Variants in CEP131 observed in about 807,000 individuals in gnomAD.
CEP131 encodes centrosomal protein of 131 kDa.
A neutral mutation model predicts 136.8 loss-of-function variants in CEP131; 99 were observed. That is an observed-to-expected ratio of 0.72 (90% confidence interval 0.62 to 0.86). CEP131 has a LOEUF of 0.86. Ranked by LOEUF, CEP131 falls within the 40% of genes least tolerant of loss-of-function variation. The pLI, the probability that CEP131 is intolerant of heterozygous loss-of-function variation, is 0.00. For missense variants in CEP131, 1,459 were observed against 1,463.0 expected (o/e 1.00, Z 0.04); for synonymous variants, 646 against 612.7 (o/e 1.05, Z -0.80).
In CEP131 at chr17:81,215,120, GTC is replaced by G. The variant is rs1438606222; in HGVS notation, c.177+4758_177+4759del. Among the ~76,000 whole-genome samples the G allele has an allele frequency of 6.6e-6, 1 of 151,286 alleles. No homozygotes were observed. The highest frequency in any genetic ancestry group is 6.6e-5 in the Admixed American group (1 of 15,160). Reference sequence around the variant, plus strand: ...TTTAATTTTAATTTTAAAAGATAGAGTCTCACTCTGTTGCCCAGGCTGGAGAG... The same window carrying G: ...TTTAATTTTAATTTTAAAAGATAGAGTCACTCTGTTGCCCAGGCTGGAGAG... On this transcript the variant is annotated intron_variant, in intron 2 of 25. Coordinates refer to ENST00000450824, the MANE Select transcript of CEP131 (RefSeq NM_014984.4). The surrounding 1 kb of genome is among the most constrained non-coding windows in gnomAD (Gnocchi z 4.1).
chr17:81,221,262 G>C (rs1221540812), intron 1 of CEP131, among the ~76,000 whole-genome samples: 1 of 151,926 alleles, frequency 6.6e-6, no homozygotes, highest in Admixed American at 6.6e-5. Flanking sequence ...GGGTTCTGAC[G>C]ATCGATCGAG....
Position 81,194,117 on chromosome 17 carries a change from G to C in CEP131, c.2130C>G (p.Pro710=). The C allele has an allele frequency of 2.0e-6, 3 of 1,537,168 alleles. No homozygotes were observed. Among genetic ancestry groups the C allele is most frequent in the South Asian group, 1.3e-5 (1 of 79,502 alleles). The change falls in exon 18 of 26, where the codon CCC becomes CCG. Residue 710 remains proline, a synonymous_variant. Coordinates refer to ENST00000450824, the MANE Select transcript of CEP131 (RefSeq NM_014984.4). ...GCCTTGCAATCAGCTTCTGGATCTC[G>C]GGCTCCAGACCTGGGGGCGGGGCAC... The part of the protein sequence containing the change: ...IKEVTVRGLE[P]EIQKLIARHK...
chr17:81,210,291 G>T lies in CEP131; in HGVS notation c.178-1269C>A. Among the ~76,000 whole-genome samples the T allele has an allele frequency of 1.3e-5, 2 of 152,190 alleles. 1 individual carries two copies. The highest frequency in any genetic ancestry group is 2.9e-5 in the Non-Finnish European group (2 of 68,030). ...ATTACCAGGTTAAGAGATGGAGACC[G>T]CCGGGCGCGGTGGTTCACGCCTGTG... is the stretch of plus-strand genomic sequence containing the variant. On this transcript the variant is annotated intron_variant, in intron 2 of 25. Transcript: ENST00000450824.
chr17:81,204,737 G>A (rs866558382), intron 5 of CEP131, among the ~76,000 whole-genome samples: 3 of 146,410 alleles, frequency 2.0e-5, no homozygotes, highest in African/African-American at 5.4e-5. Context: ...CACCTGCACC[G>A]GACCACACCT....
At chr17:81,202,039 T>C (rs994812193) in intron 7 of CEP131, among the ~76,000 whole-genome samples, 2 of 151,232 alleles carry the variant, frequency 1.3e-5, no homozygotes, top group Non-Finnish European at 2.9e-5. Flanking sequence ...AGGCAGAGCT[T>C]GCAGCGAGCA....
In CEP131 at chr17:81,191,275, T is replaced by G; in HGVS notation, c.2683A>C (p.Lys895Gln). The change falls in exon 22 of 26, where the codon AAG becomes CAG. Residue 895 changes from lysine (K) to glutamine (Q), a missense_variant. Physicochemically the swap from Lys to Gln is moderately conservative, Grantham distance 53. Around this residue, in one of 3 missense-constraint regions of CEP131, gnomAD observed 1,026 missense variants for 964.2 expected, o/e 1.06. Transcript: ENST00000450824. ...CGGTGAATGACCAGCTCAATCTCCT[T>G]GTCCCGGCCTTTCCGGATTTCTTCC... is the stretch of plus-strand genomic sequence containing the variant. ...LREEIRKGRD[K>Q]EIELVIHRLE... 1 of 1,613,532 alleles carries G rather than the reference T, an allele frequency of 6.2e-7. No homozygotes were observed.
chr17:81,207,116 C>T lies in CEP131; in HGVS notation c.387+9G>A. ...AGACCAGGACGTGGGGCCGCATGCA[C>T]CACCTTACCAGGACGTTCCAGGTGG... On this transcript the variant is annotated intron_variant, in intron 4 of 25. Transcript: ENST00000450824. 1.9e-6 allele frequency: 3 copies of T among 1,608,380 alleles called. No individual in the cohort carries two copies. The highest frequency in any genetic ancestry group is 2.5e-6 in the Non-Finnish European group (3 of 1,178,288).
At chr17:81,199,278 T>C in intron 10 of CEP131, 103 bp downstream of exon 10, 8 of 1,337,254 alleles carry the variant, frequency 6.0e-6, no homozygotes, top group Non-Finnish European at 8.0e-6. Flanking sequence ...GCCGCCAACA[T>C]GGGCAGCAGC....
intron 2 of CEP131, among the ~76,000 whole-genome samples, chr17:81,211,307 C>T (rs540521027): frequency 2.6e-5 from 4 of 152,282 alleles, no homozygotes; most frequent in Admixed American, 2.6e-4. Context: ...GGGAGCACAA[C>T]AGCAGGAGAG....
At chr17:81,199,877 G>A (rs1251119117) in intron 8 of CEP131, 42 bp from the exon 9 acceptor site, 7 of 1,590,794 alleles carry the variant, frequency 4.4e-6, no homozygotes, top group Non-Finnish European at 6.0e-6. Context: ...ACATCTGGAA[G>A]ACGGAATCCA....
At chr17:81,193,887 T>C (rs1288630210) in intron 18 of CEP131, 39 bp downstream of exon 18, 3 of 1,525,968 alleles carry the variant, frequency 2.0e-6, no homozygotes, top group Admixed American at 4.1e-5. Context: ...CTCCCCGCCC[T>C]GAGGGTCCTG....
Position 81,203,478 on chromosome 17 carries a change from C to T in CEP131, c.629+16G>A. 1 of 1,580,866 alleles carries T rather than the reference C, an allele frequency of 6.3e-7. No homozygotes were observed. Among genetic ancestry groups the T allele is most frequent in the Non-Finnish European group, 8.6e-7 (1 of 1,164,204 alleles). On this transcript the variant is annotated intron_variant, in intron 6 of 25. Transcript: ENST00000450824. The surrounding 1 kb of genome is among the most constrained non-coding windows in gnomAD (Gnocchi z 4.6). The stretch of plus-strand genomic sequence containing the variant: ...GTCGGACCCCGCAGCCCCGCGGCCT[C>T]CCCAGAAGACCTTACTTGAGGGAGG...
Position 81,194,928 on chromosome 17 carries a change from G to A in CEP131, c.2061C>T (p.Ala687=). The change falls in exon 17 of 26, where the codon GCC becomes GCT. Residue 687 remains alanine, a synonymous_variant. Transcript: ENST00000450824. ...TCTCACTGATCCACTTCTCCCGGCG[G>A]GCTTTCTCGGTGGCGCTCATTAATT... ...LKELMSATEK[A]RREKWISEKT... is the part of the protein sequence containing the mutation. 1 of 1,613,318 alleles carries A rather than the reference G, an allele frequency of 6.2e-7. No homozygotes were observed. The highest frequency in any genetic ancestry group is 8.5e-7 in the Non-Finnish European group (1 of 1,179,974).
chr17:81,199,855 C>T lies in CEP131; in HGVS notation c.907-20G>A, dbSNP rs1308546526. 6 of 1,607,736 alleles carry T rather than the reference C, an allele frequency of 3.7e-6. No homozygotes were observed. In the South Asian group the frequency reaches 6.6e-5, roughly 18 times the overall value. On this transcript the variant is annotated intron_variant, in intron 8 of 25. Transcript: ENST00000450824. ...CTGCTCCTGCCAAAGAAGCCGGTGC[C>T]ATGTGGCGTTTACATCTGGAAGACG...
At chr17:81,200,162 C>T (rs1029996122) in intron 8 of CEP131, 167 bp downstream of exon 8, 6 of 642,330 alleles carry the variant, frequency 9.3e-6, no homozygotes, top group Non-Finnish European at 1.6e-5. Context: ...GTGAGGACCA[C>T]CCTGACTGTC....
At chr17:81,191,480 G>C (rs537783378) in intron 21 of CEP131, 145 bp from the exon 22 acceptor site, 17 of 718,142 alleles carry the variant, frequency 2.4e-5, no homozygotes, top group Non-Finnish European at 2.4e-6. Flanking sequence ...CTGTCCAGGG[G>C]TGCGCTACGT....
At chr17:81,209,436 G>C (rs1177429319) in intron 2 of CEP131, among the ~76,000 whole-genome samples, 1 of 152,234 alleles carries the variant, frequency 6.6e-6, no homozygotes, top group Non-Finnish European at 1.5e-5. Flanking sequence ...GTGGGGTCAC[G>C]ATGAGGACTA....
intron 2 of CEP131, among the ~76,000 whole-genome samples, chr17:81,211,685 C>A (rs1195829067): frequency 1.3e-5 from 2 of 152,172 alleles, no homozygotes; most frequent in African/African-American, 4.8e-5. Flanking sequence ...ATAATCCCAA[C>A]ACTTTAGGAG....
chr17:81,191,358 G>C (rs2061637376), intron 21 of CEP131, 23 bp from the exon 22 acceptor site: 2 of 1,611,970 alleles, frequency 1.2e-6, no homozygotes, highest in Middle Eastern at 3.3e-4. Flanking sequence ...GCGCTGCCTG[G>C]GGGTTGCCAC....
Sources: gnomAD v4.1 joint callset for allele counts (sites outside exome capture counted in the v4.1 genomes callset) on GRCh38, gnomAD v4.1.1 for gene constraint, gnomAD v4.1.1 regional missense constraint, Gnocchi (gnomAD v3.1) non-coding constraint, MANE v1.5 for transcripts, NCBI Gene and HGNC (gene_info 2026-07-23, HGNC 2026-07-21) for gene names.